GLCE: variants seen among roughly 807,000 people sequenced by gnomAD.
GLCE encodes glucuronic acid epimerase.
A neutral mutation model predicts 47.9 loss-of-function variants in GLCE; 19 were observed. The observed-to-expected ratio is 0.40, with a 90% confidence interval of 0.28 to 0.58. The LOEUF (loss-of-function observed/expected upper bound fraction) is 0.58. Ranked by LOEUF, GLCE falls within the 20% of genes least tolerant of loss-of-function variation. The pLI is 0.48. For synonymous variants in GLCE, 245 were observed against 263.4 expected (o/e 0.93, Z 0.68); for missense variants, 556 against 743.3 (o/e 0.75, Z 2.93).
intron 1 of GLCE, among the ~76,000 whole-genome samples, chr15:69,174,559 G>A (rs1213662488): frequency 2.0e-5 from 3 of 152,310 alleles, no homozygotes; most frequent in South Asian, 2.1e-4. Flanking sequence ...GCATTGCGCT[G>A]AGATCGCACC....
At chr15:69,181,817 GT>G in intron 1 of GLCE, among the ~76,000 whole-genome samples, 1 of 151,908 alleles carries the variant, frequency 6.6e-6, no homozygotes, top group East Asian at 1.9e-4. Context: ...TTTTGTTTTT[GT>G]TTTGACGTGT....
chr15:69,169,044 C>G (rs149986501), intron 1 of GLCE, among the ~76,000 whole-genome samples: 18 of 152,288 alleles, frequency 1.2e-4, no homozygotes, highest in African/African-American at 4.3e-4. Context: ...TTTTCTGATA[C>G]CCATCACTAT....
intron 1 of GLCE, among the ~76,000 whole-genome samples, chr15:69,165,003 T>C (rs1045527009): frequency 2.0e-5 from 3 of 152,212 alleles, no homozygotes; most frequent in Non-Finnish European, 4.4e-5. Context: ...ATTCATTGCT[T>C]CTTTTCTTGT....
intron 1 of GLCE, among the ~76,000 whole-genome samples, chr15:69,180,721 G>A (rs1448258596): frequency 1.3e-5 from 2 of 152,212 alleles, no homozygotes; most frequent in Non-Finnish European, 2.9e-5. Context: ...GGTAATGATG[G>A]CACTGGTGAT....
chr15:69,251,414 T>G (rs893897997), intron 2 of GLCE, among the ~76,000 whole-genome samples: 2 of 152,188 alleles, frequency 1.3e-5, no homozygotes, highest in Non-Finnish European at 2.9e-5. Context: ...ACATATTTGG[T>G]GTTACTTTGC....
At chr15:69,188,051 G>A (rs184645222) in intron 1 of GLCE, among the ~76,000 whole-genome samples, 241 of 151,904 alleles carry the variant, frequency 1.6e-3, no homozygotes, top group African/African-American at 5.5e-3. Flanking sequence ...GTGACAGAGC[G>A]AGACTCCATC....
chr15:69,163,157 C>A (rs1279302875), intron 1 of GLCE, among the ~76,000 whole-genome samples: 2 of 152,094 alleles, frequency 1.3e-5, no homozygotes, highest in African/African-American at 2.4e-5. Context: ...GTAAGCAGAT[C>A]TTATTTTTCC....
At chr15:69,236,939 C>G (rs549125999) in intron 2 of GLCE, among the ~76,000 whole-genome samples, 29 of 152,248 alleles carry the variant, frequency 1.9e-4, no homozygotes, top group Admixed American at 5.2e-4. Context: ...CCTCTACCCC[C>G]CTTTTTATAA....
Position 69,235,093 on chromosome 15 carries a change from CTTTTTTTTTTTTTTTT to C in GLCE, c.-13-20684_-13-20669del, listed in dbSNP as rs869212730. Among the ~76,000 whole-genome samples, 39 of 62,890 alleles carry C rather than the reference CTTTTTTTTTTTTTTTT, an allele frequency of 6.2e-4. 1 individual carries two copies. The highest frequency in any genetic ancestry group is 1.3e-3 in the African/African-American group (17 of 13,352). 41.3% of individuals were successfully genotyped at this position (62,890 alleles called of 152,430 possible). A position where few individuals can be genotyped will look rare whatever the true frequency, so the allele number is the denominator to read the frequency against. ...CTGATACAGATAGATGAAGATTATTCTTTTTTTTTTTTTTTTTTTTTTTTTTTTTTTTGAGATAGAG... is the reference window on the plus strand; with the variant it reads ...CTGATACAGATAGATGAAGATTATTCTTTTTTTTTTTTTTTTGAGATAGAG... On this transcript the variant is annotated intron_variant, in intron 2 of 4. Transcript: ENST00000261858.
chr15:69,202,716 A>G (rs2140365353), intron 1 of GLCE, among the ~76,000 whole-genome samples: 1 of 152,244 alleles, frequency 6.6e-6, no homozygotes, highest in East Asian at 1.9e-4. Context: ...TTTTATCAGA[A>G]CTATTAGCAA....
intron 2 of GLCE, among the ~76,000 whole-genome samples, chr15:69,246,525 G>C (rs1018693065): frequency 6.6e-6 from 1 of 152,064 alleles, no homozygotes; most frequent in Non-Finnish European, 1.5e-5. Context: ...AGACCAGCCT[G>C]GCCAACATAG....
intron 4 of GLCE, among the ~76,000 whole-genome samples, chr15:69,266,045 A>T (rs2053081225): frequency 6.6e-6 from 1 of 152,190 alleles, no homozygotes; most frequent in Non-Finnish European, 1.5e-5. Context: ...GTACATGTTG[A>T]CATTTTGCCA....
chr15:69,197,965 G>A (rs1234008552), intron 1 of GLCE, among the ~76,000 whole-genome samples: 1 of 152,062 alleles, frequency 6.6e-6, no homozygotes, highest in Non-Finnish European at 1.5e-5. Context: ...AAATAATTGG[G>A]ATTACCTTTA....
rs1431397300 is a variant in GLCE at position 69,160,641 on chromosome 15, G to T, written c.-221G>T. 1 of 152,796 alleles carries T rather than the reference G, an allele frequency of 6.5e-6. No individual in the cohort carries two copies. The highest frequency in any genetic ancestry group is 1.5e-5 in the Non-Finnish European group (1 of 68,180). The allele number at this position is 152,796 out of a possible 1,614,324, so 9.5% of individuals were successfully genotyped here. On this transcript the variant is annotated 5_prime_UTR_variant, in exon 1 of 5. Transcript: ENST00000261858. This position sits in a 1 kb window ranked among gnomAD's most constrained non-coding sequence, Gnocchi z 4.2. ...GAGCGGGAGGGCTCTCCTCACACAA[G>T]CGCTTCCTTGCCGAGAGGCTGGAGC...
Position 69,270,578 on chromosome 15 carries a change from C to CT in GLCE, c.*1337dup, listed in dbSNP as rs1443818440. 6.6e-6 allele frequency: 1 copy of CT among 152,174 alleles called. No individual in the cohort carries two copies. Among genetic ancestry groups the CT allele is most frequent in the Non-Finnish European group, 1.5e-5 (1 of 68,040 alleles). The allele number at this position is 152,174 out of a possible 1,614,324, so 9.4% of individuals were successfully genotyped here. A position where few individuals can be genotyped will look rare whatever the true frequency, so the allele number is the denominator to read the frequency against. On this transcript the variant is annotated 3_prime_UTR_variant, in exon 5 of 5. Transcript: ENST00000261858. ...CAGTTTGAAAATATGATACCCTACA[C>CT]TTTCAGGGGACCGAGTCTGACAAAC... is the stretch of plus-strand genomic sequence containing the variant.
At chr15:69,231,045 G>A (rs182881980) in intron 2 of GLCE, among the ~76,000 whole-genome samples, 1 of 152,020 alleles carries the variant, frequency 6.6e-6, no homozygotes, top group East Asian at 1.9e-4. Context: ...CCACTTTTTT[G>A]GTTTATTGAA....
At chr15:69,187,892 G>A (rs149662709) in intron 1 of GLCE, among the ~76,000 whole-genome samples, 5,089 of 151,912 alleles carry the variant, frequency 0.033, 129 homozygotes, top group Non-Finnish European at 0.053. Flanking sequence ...GTGAAACCCC[G>A]TCTCTACTAA....
At chr15:69,225,255 A>T (rs574759627) in intron 2 of GLCE, among the ~76,000 whole-genome samples, 17 of 152,228 alleles carry the variant, frequency 1.1e-4, no homozygotes, top group African/African-American at 3.9e-4. Flanking sequence ...AATAAAGAGT[A>T]AGCCCTTAGT....
At chr15:69,233,137 C>T (rs925528647) in intron 2 of GLCE, among the ~76,000 whole-genome samples, 2 of 152,138 alleles carry the variant, frequency 1.3e-5, no homozygotes, top group Admixed American at 1.3e-4. Context: ...CTTAAAATTT[C>T]ATAGTCATCT....
Sources: gnomAD v4.1 joint callset for allele counts (sites outside exome capture counted in the v4.1 genomes callset) on GRCh38, gnomAD v4.1.1 for gene constraint, Gnocchi (gnomAD v3.1) non-coding constraint, MANE v1.5 for transcripts, NCBI Gene and HGNC (gene_info 2026-07-23, HGNC 2026-07-21) for gene names.